Variants in TMEM135 observed in about 807,000 individuals in gnomAD.
TMEM135 encodes the protein peroxisomal membrane protein 52.
In TMEM135, 30 loss-of-function variants were observed where a neutral mutation model predicts 60.3. The ratio of observed to expected loss-of-function variants is 0.50; its 90% CI spans 0.37 to 0.68. The LOEUF (loss-of-function observed/expected upper bound fraction) is 0.68, where lower values mean the gene tolerates loss of function less well. Among genes scored for constraint, TMEM135 ranks in the 30% least tolerant of loss-of-function variants. The pLI is 0.00. For synonymous variants in TMEM135, 190 were observed against 186.7 expected (o/e 1.02, Z -0.14); for missense variants, 468 against 548.8 (o/e 0.85, Z 1.47).
rs184391875 is a variant in TMEM135, at chr11:87,099,175, A to C, written c.396+7780A>C. Among the ~76,000 whole-genome samples, 7 of 152,294 alleles carry C rather than the reference A, an allele frequency of 4.6e-5. No homozygotes were observed. The East Asian group carries it at 1.4e-3, about 29-fold the overall frequency. ...CAATACCCAAATACTGTGCGTATTC[A>C]TACACTTATTTGAAAATTATAAGTA... is the stretch of plus-strand genomic sequence containing the variant. On this transcript the variant is annotated intron_variant, in intron 4 of 14. Coordinates refer to ENST00000305494, the MANE Select transcript of TMEM135 (RefSeq NM_022918.4).
At chr11:87,111,840 T>A (rs2135199972) in intron 4 of TMEM135, among the ~76,000 whole-genome samples, 1 of 152,220 alleles carries the variant, frequency 6.6e-6, no homozygotes, top group South Asian at 2.1e-4. Context: ...GGTTTTATTG[T>A]CCCATTTATA....
intron 5 of TMEM135, among the ~76,000 whole-genome samples, chr11:87,166,443 A>C (rs1287356471): frequency 1.3e-5 from 2 of 151,648 alleles, no homozygotes; most frequent in Non-Finnish European, 2.9e-5. Context: ...TTTAGGTCTT[A>C]CGTTTAAGTC....
At chr11:87,195,316 TCCTTCCTTCCTTCCTTCCTTC>T in intron 5 of TMEM135, among the ~76,000 whole-genome samples, 1 of 5,850 alleles carries the variant, frequency 1.7e-4, no homozygotes, top group East Asian at 3.0e-3. Flanking sequence ...TCTTTCTCTT[TCCTTCCTTCCTTCCTTCCTTC>T]CTTCCTTCCT....
intron 5 of TMEM135, among the ~76,000 whole-genome samples, chr11:87,206,151 T>C (rs1940229193): frequency 6.6e-6 from 1 of 152,176 alleles, no homozygotes; most frequent in Non-Finnish European, 1.5e-5. Context: ...TAAGAAATGA[T>C]ATGCATTAGT....
At chr11:87,071,755 A>G in intron 3 of TMEM135, 140 bp downstream of exon 3, 1 of 490,014 alleles carries the variant, frequency 2.0e-6, no homozygotes, top group East Asian at 3.5e-5. Flanking sequence ...TATTTAATTG[A>G]AAATTAATTT....
chr11:87,102,145 CA>C (rs1327089005), intron 4 of TMEM135, among the ~76,000 whole-genome samples: 1 of 152,190 alleles, frequency 6.6e-6, no homozygotes, highest in Non-Finnish European at 1.5e-5. Context: ...GAGATAGCAT[CA>C]GATTCCACTG....
Position 87,261,565 on chromosome 11 carries a change from A to G in TMEM135, c.509+24881A>G, listed in dbSNP as rs184493424. ...AAATGGAAAATTCTCACCCCTTTATATACCTCCCTCTTTGTACTTCTCTCT... is the reference window on the plus strand; with the variant it reads ...AAATGGAAAATTCTCACCCCTTTATGTACCTCCCTCTTTGTACTTCTCTCT... On this transcript the variant is annotated intron_variant, in intron 6 of 14. Coordinates refer to ENST00000305494, the MANE Select transcript of TMEM135 (RefSeq NM_022918.4). Among the ~76,000 whole-genome samples, 39 of 152,212 alleles carry G rather than the reference A, an allele frequency of 2.6e-4. No homozygotes were observed. The East Asian group carries it at 6.9e-3, about 27-fold the overall frequency.
At chr11:87,227,726 AC>A (rs1332483110) in intron 5 of TMEM135, among the ~76,000 whole-genome samples, 1 of 152,166 alleles carries the variant, frequency 6.6e-6, no homozygotes, top group East Asian at 1.9e-4. Context: ...TTGACTTTGA[AC>A]ACACATTGTA....
chr11:87,221,413 C>G (rs1237817584), intron 5 of TMEM135, among the ~76,000 whole-genome samples: 1 of 152,190 alleles, frequency 6.6e-6, no homozygotes, highest in Non-Finnish European at 1.5e-5. Flanking sequence ...TTTATACATA[C>G]ATGCTAAATA....
intron 6 of TMEM135, among the ~76,000 whole-genome samples, chr11:87,252,409 T>C (rs1281065289): frequency 6.6e-6 from 1 of 152,060 alleles, no homozygotes. Context: ...AAGTAGAAAA[T>C]AGAAAAATCT....
chr11:87,177,000 T>C (rs186026128), intron 5 of TMEM135, among the ~76,000 whole-genome samples: 1 of 152,294 alleles, frequency 6.6e-6, no homozygotes, highest in African/African-American at 2.4e-5. Flanking sequence ...TAATATAATA[T>C]ACATGCTAGC....
rs528712086 is a variant in TMEM135 at position 87,086,026 on chromosome 11, ATTG to A, written c.363-5333_363-5331del. 1.6e-3 allele frequency among the ~76,000 whole-genome samples: 249 copies of A among 152,256 alleles called. 1 individual carries two copies. Among genetic ancestry groups the A allele is most frequent in the Admixed American group, 4.1e-3 (63 of 15,292 alleles). On this transcript the variant is annotated intron_variant, in intron 3 of 14. Coordinates refer to ENST00000305494, the MANE Select transcript of TMEM135 (RefSeq NM_022918.4). Reference sequence around the variant, plus strand: ...TCATAATATTGATTATACCTTGTAGATTGTTAAGTTTTATGCAACTTTAAGGAG... The same window carrying A: ...TCATAATATTGATTATACCTTGTAGATTAAGTTTTATGCAACTTTAAGGAG...
chr11:87,326,424 T>C lies in TMEM135; in HGVS notation c.*5091T>C, dbSNP rs953540516. On this transcript the variant is annotated 3_prime_UTR_variant, in exon 15 of 15. Coordinates refer to ENST00000305494, the MANE Select transcript of TMEM135 (RefSeq NM_022918.4). ...GTGTCTATTAAACTTTTTCCAGTAG[T>C]TAATCGATCTCTTAAATTAATTTTC... The C allele has an allele frequency of 8.8e-6, 4 of 454,002 alleles. No individual in the cohort carries two copies. The highest frequency in any genetic ancestry group is 3.1e-5 in the South Asian group (2 of 64,466). 28.1% of individuals were successfully genotyped at this position (454,002 alleles called of 1,614,324 possible).
intron 5 of TMEM135, among the ~76,000 whole-genome samples, chr11:87,216,668 A>T (rs371773635): frequency 4.6e-5 from 7 of 152,180 alleles, no homozygotes; most frequent in Admixed American, 2.6e-4. Context: ...TATTTAGATA[A>T]TTGGACTTGT....
intron 6 of TMEM135, among the ~76,000 whole-genome samples, chr11:87,252,494 C>T (rs895970319): frequency 2.6e-5 from 4 of 152,006 alleles, no homozygotes; most frequent in Non-Finnish European, 4.4e-5. Flanking sequence ...GACATGGAGC[C>T]GGGCACAGTG....
intron 5 of TMEM135, among the ~76,000 whole-genome samples, chr11:87,230,440 T>A (rs1001698767): frequency 6.6e-6 from 1 of 152,104 alleles, no homozygotes; most frequent in African/African-American, 2.4e-5. Context: ...AAAATTACCA[T>A]GTATTGAGCA....
At chr11:87,077,444 A>T (rs1216805090) in intron 3 of TMEM135, among the ~76,000 whole-genome samples, 1 of 152,230 alleles carries the variant, frequency 6.6e-6, no homozygotes, top group East Asian at 1.9e-4. Flanking sequence ...ATCCATGGAC[A>T]TGGTTTATCT....
intron 8 of TMEM135, among the ~76,000 whole-genome samples, chr11:87,304,778 T>C (rs1221975809): frequency 1.3e-5 from 2 of 152,200 alleles, no homozygotes; most frequent in East Asian, 3.8e-4. Context: ...ATTCATGTGG[T>C]TCAACCATGA....
At chr11:87,049,629 T>C (rs1342027900) in intron 1 of TMEM135, among the ~76,000 whole-genome samples, 1 of 116,776 alleles carries the variant, frequency 8.6e-6, no homozygotes. Context: ...TCCTAAATAT[T>C]TATGCACCCA....
Sources: gnomAD v4.1 joint callset for allele counts (sites outside exome capture counted in the v4.1 genomes callset) on GRCh38, gnomAD v4.1.1 for gene constraint, MANE v1.5 for transcripts, NCBI Gene and HGNC (gene_info 2026-07-23, HGNC 2026-07-21) for gene names.